Variants in MECOM observed in about 807,000 individuals in gnomAD.
MECOM encodes histone-lysine N-methyltransferase MECOM.
In MECOM, 13 loss-of-function variants were observed where a neutral mutation model predicts 116.3. The ratio of observed to expected loss-of-function variants is 0.11; its 90% CI spans 0.07 to 0.18. The LOEUF is 0.18. Among genes scored for constraint, MECOM ranks in the 10% least tolerant of loss-of-function variants. MECOM has a pLI of 1.00. For missense variants in MECOM, 1,299 were observed against 1,509.0 expected (o/e 0.86, Z 2.31); for synonymous variants, 528 against 535.2 (o/e 0.99, Z 0.19).
At chr3:169,491,310 T>G (rs150072800) in intron 1 of MECOM, among the ~76,000 whole-genome samples, 1 of 152,158 alleles carries the variant, frequency 6.6e-6, no homozygotes, top group African/African-American at 2.4e-5. Flanking sequence ...GCAAATGTCC[T>G]AACCAAAAGG....
At chr3:169,519,518 C>T (rs1757100678) in intron 1 of MECOM, among the ~76,000 whole-genome samples, 1 of 152,146 alleles carries the variant, frequency 6.6e-6, no homozygotes, top group South Asian at 2.1e-4. Flanking sequence ...CAAAGTAGTT[C>T]CACAAACAGT....
intron 2 of MECOM, among the ~76,000 whole-genome samples, chr3:169,375,174 G>C: frequency 6.6e-6 from 1 of 152,086 alleles, no homozygotes; most frequent in East Asian, 1.9e-4. Flanking sequence ...AGCTAAAGCA[G>C]TGTTTAGAGG....
At chr3:169,508,350 T>C (rs1285192803) in intron 1 of MECOM, among the ~76,000 whole-genome samples, 1 of 151,838 alleles carries the variant, frequency 6.6e-6, no homozygotes, top group Admixed American at 6.6e-5. Flanking sequence ...CACAGTAAAC[T>C]GGTGAATGAC....
At chr3:169,425,953 A>G (rs746600443) in intron 1 of MECOM, among the ~76,000 whole-genome samples, 7 of 152,210 alleles carry the variant, frequency 4.6e-5, no homozygotes, top group Non-Finnish European at 1.5e-5. Context: ...GGAAAAAAAG[A>G]TGAAAAGATA....
chr3:169,622,254 T>C (rs1000882408), intron 1 of MECOM, among the ~76,000 whole-genome samples: 8 of 152,122 alleles, frequency 5.3e-5, no homozygotes, highest in Non-Finnish European at 1.2e-4. Flanking sequence ...CATGCCCGGC[T>C]AATTTTTTTG....
chr3:169,184,871 G>A lies in MECOM; in HGVS notation c.376-41039C>T, dbSNP rs1389797970. 8.5e-5 allele frequency among the ~76,000 whole-genome samples: 13 copies of A among 152,336 alleles called. No individual in the cohort carries two copies. The South Asian group carries it at 2.5e-3, about 29-fold the overall frequency. ...GGCTTTAAATTAAGGGAAAGGCAGA[G>A]TGATTTGAATTAAGCAGAATCAAGA... On this transcript the variant is annotated intron_variant, in intron 2 of 16. Coordinates refer to ENST00000651503, the MANE Select transcript of MECOM (RefSeq NM_004991.4).
intron 1 of MECOM, among the ~76,000 whole-genome samples, chr3:169,493,637 T>C (rs1753413387): frequency 6.6e-6 from 1 of 152,134 alleles, no homozygotes; most frequent in South Asian, 2.1e-4. Context: ...TAACTGAAGT[T>C]CCTCAGATGG....
At chr3:169,222,556 T>G (rs1034144158) in intron 2 of MECOM, among the ~76,000 whole-genome samples, 1 of 152,216 alleles carries the variant, frequency 6.6e-6, no homozygotes, top group African/African-American at 2.4e-5. Context: ...TGTTGGGTTT[T>G]GGGTAACCAG....
intron 1 of MECOM, among the ~76,000 whole-genome samples, chr3:169,523,228 G>A (rs1420858967): frequency 1.3e-5 from 2 of 152,158 alleles, no homozygotes; most frequent in Non-Finnish European, 2.9e-5. Flanking sequence ...CTTGGGTACT[G>A]GAGGCAAAGG....
chr3:169,300,363 T>C (rs1223595031), intron 2 of MECOM, among the ~76,000 whole-genome samples: 1 of 152,236 alleles, frequency 6.6e-6, no homozygotes, highest in Non-Finnish European at 1.5e-5. Flanking sequence ...GATGATAGCC[T>C]CTCTTATAAA....
chr3:169,482,472 G>A (rs1044937886), intron 1 of MECOM, among the ~76,000 whole-genome samples: 2 of 151,684 alleles, frequency 1.3e-5, no homozygotes, highest in African/African-American at 2.4e-5. Context: ...GCTGGGACCT[G>A]TACAGGCGCC....
At chr3:169,256,186 C>T (rs1577484985) in intron 2 of MECOM, among the ~76,000 whole-genome samples, 1 of 152,170 alleles carries the variant, frequency 6.6e-6, no homozygotes, top group East Asian at 1.9e-4. Context: ...TTTCCTGGCG[C>T]TGGCTATGTA....
chr3:169,279,466 G>A (rs1032248710), intron 2 of MECOM, among the ~76,000 whole-genome samples: 2 of 152,208 alleles, frequency 1.3e-5, no homozygotes, highest in Non-Finnish European at 2.9e-5. Flanking sequence ...AGGAGGGAAA[G>A]CGGGTAAGTA....
intron 1 of MECOM, among the ~76,000 whole-genome samples, chr3:169,508,505 CACAT>C (rs780901899): frequency 1.4e-5 from 2 of 147,158 alleles, no homozygotes; most frequent in African/African-American, 2.5e-5. Flanking sequence ...AGAGTAAACA[CACAT>C]ACACACTCAC....
chr3:169,629,986 G>A (rs1414577514), intron 1 of MECOM, among the ~76,000 whole-genome samples: 1 of 152,182 alleles, frequency 6.6e-6, no homozygotes, highest in Non-Finnish European at 1.5e-5. Flanking sequence ...CTTCTGCGGA[G>A]CCCTGCCAAG....
At chr3:169,405,573 G>A (rs759464756) in intron 1 of MECOM, among the ~76,000 whole-genome samples, 12 of 152,116 alleles carry the variant, frequency 7.9e-5, no homozygotes, top group Non-Finnish European at 1.0e-4. Flanking sequence ...GATCAATACA[G>A]ACAGAGTTAA....
intron 2 of MECOM, among the ~76,000 whole-genome samples, chr3:169,156,779 T>C (rs981733186): frequency 2.0e-5 from 3 of 152,208 alleles, no homozygotes; most frequent in African/African-American, 7.2e-5. Context: ...TTTAGACTTT[T>C]CTTAATAAGA....
At chr3:169,258,086 G>T (rs2149602350) in intron 2 of MECOM, among the ~76,000 whole-genome samples, 1 of 152,204 alleles carries the variant, frequency 6.6e-6, no homozygotes, top group African/African-American at 2.4e-5. Flanking sequence ...CTGGGCTGGT[G>T]GTGCGCTCCT....
intron 1 of MECOM, among the ~76,000 whole-genome samples, chr3:169,552,733 C>T (rs1309520366): frequency 6.6e-6 from 1 of 151,428 alleles, no homozygotes; most frequent in Non-Finnish European, 1.5e-5. Flanking sequence ...ACTGCAGGCC[C>T]AAATCCAGAG....
Sources: gnomAD v4.1 joint callset for allele counts (sites outside exome capture counted in the v4.1 genomes callset) on GRCh38, gnomAD v4.1.1 for gene constraint, MANE v1.5 for transcripts, NCBI Gene and HGNC (gene_info 2026-07-23, HGNC 2026-07-21) for gene names.